NOL9: variants seen among roughly 807,000 people sequenced by gnomAD.
The protein encoded by NOL9 is nucleolar protein 9.
Under a neutral mutation model 67.9 loss-of-function variants are expected in NOL9, and 28 were observed. The ratio of observed to expected loss-of-function variants is 0.41; its 90% CI spans 0.31 to 0.57. NOL9 has a LOEUF of 0.57. NOL9 is among the 20% of genes least tolerant of loss of function. The probability of loss-of-function intolerance (pLI) is 0.25; values close to 1 mark genes in which losing one functional copy is unlikely to be tolerated. For missense variants in NOL9, 777 were observed against 897.0 expected, an observed-to-expected ratio of 0.87 and a Z score of 1.71; for synonymous variants, 356 against 352.2, an observed-to-expected ratio of 1.01 and a Z score of -0.12.
At chr1:6,531,847 G>C (rs1639034905) in intron 9 of NOL9, 121 bp downstream of exon 9, 1 of 754,800 alleles carries the variant, frequency 1.3e-6, no homozygotes, top group Non-Finnish European at 2.3e-6. Flanking sequence ...TGTGTCACTG[G>C]GATGTTCTGA....
chr1:6,526,185 G>A (rs985309654), intron 11 of NOL9, among the ~76,000 whole-genome samples, 182 bp from the exon 12 acceptor site: 1 of 152,086 alleles, frequency 6.6e-6, no homozygotes, highest in African/African-American at 2.4e-5. Flanking sequence ...GGTAACAAAC[G>A]TGCCAAGGCC....
rs947444958 is a variant in NOL9 at position 6,525,460 on chromosome 1, T to C, written c.*394A>G. On this transcript the variant is annotated 3_prime_UTR_variant, in exon 12 of 12. Transcript: ENST00000377705. The stretch of plus-strand genomic sequence containing the variant: ...CCGTGGCGAGCCCTTGTATCCATTA[T>C]GCTTGAGATCCTGCAGGTCGGCCTT... The C allele has an allele frequency of 9.1e-6, 2 of 219,774 alleles. No homozygotes were observed. Among genetic ancestry groups the C allele is most frequent in the Non-Finnish European group, 1.8e-5 (2 of 110,060 alleles). The allele number at this position is 219,774 out of a possible 1,614,324, so 13.6% of individuals were successfully genotyped here.
intron 6 of NOL9, among the ~76,000 whole-genome samples, chr1:6,534,608 G>A (rs982260957): frequency 3.9e-5 from 6 of 152,256 alleles, no homozygotes; most frequent in African/African-American, 1.4e-4. Context: ...CAGAGGGAGT[G>A]GCCTGTATAG....
chr1:6,554,476 CT>C lies in NOL9; in HGVS notation c.26del (p.Lys9SerfsTer134). 1 of 1,545,974 alleles carries C rather than the reference CT, an allele frequency of 6.5e-7. No individual in the cohort carries two copies. The highest frequency in any genetic ancestry group is 1.9e-5 in the Admixed American group (1 of 52,184). On this transcript the variant is annotated frameshift_variant, in exon 1 of 12. Coordinates refer to ENST00000377705, the MANE Select transcript of NOL9 (RefSeq NM_024654.5). LOFTEE classifies it high-confidence loss of function. Reference protein sequence around the residue: MADSGLLLKRGSCRSTWLR... With the variant: MADSGLLLXRGSCRSTWLR... ...GCCAAGTGGAACGGCAGGAACCCCGCTTTAGCAGCAGTCCCGAGTCCGCCAT... is the reference window on the plus strand; with the variant it reads ...GCCAAGTGGAACGGCAGGAACCCCGCTTAGCAGCAGTCCCGAGTCCGCCAT...
chr1:6,547,271 ACT>A (rs2148660952), intron 3 of NOL9, among the ~76,000 whole-genome samples: 1 of 152,190 alleles, frequency 6.6e-6, no homozygotes, highest in South Asian at 2.1e-4. Flanking sequence ...TCAACTGCCC[ACT>A]TGACATGTCC....
chr1:6,546,758 T>C (rs1332400451), intron 3 of NOL9, among the ~76,000 whole-genome samples: 2 of 152,122 alleles, frequency 1.3e-5, no homozygotes, highest in Non-Finnish European at 2.9e-5. Flanking sequence ...GTTTTTTTCA[T>C]CCATCTTAAC....
Position 6,526,023 on chromosome 1 carries a change from AATGC to A in NOL9, c.1960-24_1960-21del, listed in dbSNP as rs1251520668. The A allele has an allele frequency of 6.2e-7, 1 of 1,610,820 alleles. No homozygotes were observed. The highest frequency in any genetic ancestry group is 1.3e-5 in the African/African-American group (1 of 74,832). ...CCCACGCTGAAACGGAAACACAGAG[AATGC>A]ATGGAAACACTCCAGGTCCAGCCCA... On this transcript the variant is annotated intron_variant, in intron 11 of 11. Coordinates refer to ENST00000377705, the MANE Select transcript of NOL9 (RefSeq NM_024654.5).
chr1:6,542,257 T>A lies in NOL9; in HGVS notation c.978-330A>T, dbSNP rs529076839. Among the ~76,000 whole-genome samples, 556 of 150,858 alleles carry A rather than the reference T, an allele frequency of 3.7e-3. 3 individuals carry two copies. Among genetic ancestry groups the A allele is most frequent in the Admixed American group, 0.012 (181 of 15,036 alleles). On this transcript the variant is annotated intron_variant, in intron 5 of 11. Coordinates refer to ENST00000377705, the MANE Select transcript of NOL9 (RefSeq NM_024654.5). Reference sequence around the variant, plus strand: ...CTCACTGCAAGCTCCACCTCCTGGGTTCATGCCATTCTCCTGCCTCAGCCT... The same window carrying A: ...CTCACTGCAAGCTCCACCTCCTGGGATCATGCCATTCTCCTGCCTCAGCCT...
chr1:6,539,173 G>C lies in NOL9; in HGVS notation c.1075+2657C>G, dbSNP rs548772202. On this transcript the variant is annotated intron_variant, in intron 6 of 11. Transcript: ENST00000377705. ...TCAAAATAAGCATTGGTGAGGATAC[G>C]GAGAAATCAGAACTCTTGTGCATTG... 1.2e-3 allele frequency among the ~76,000 whole-genome samples: 184 copies of C among 152,276 alleles called. 1 individual carries two copies. The highest frequency in any genetic ancestry group is 4.4e-3 in the African/African-American group (183 of 41,548).
chr1:6,549,873 A>G (rs1639504447), intron 2 of NOL9, among the ~76,000 whole-genome samples, 175 bp from the exon 3 acceptor site: 1 of 152,178 alleles, frequency 6.6e-6, no homozygotes, highest in Non-Finnish European at 1.5e-5. Context: ...AGGAGAAGTC[A>G]ATCGAGGTTT....
At position 6,525,872 on chromosome 1, in the gene NOL9, G is replaced by C. The variant is rs370150354; in HGVS notation, c.2091C>G (p.Phe697Leu). The change falls in exon 12 of 12, where the codon TTC (phenylalanine) becomes TTG (leucine). Residue 697 changes from phenylalanine (F) to leucine (L), a missense_variant. Transcript: ENST00000377705. ...HKEKPYRRPK[F>L]CRKMK Reference sequence around the variant, plus strand: ...GCGAGCATCACTTCATTTTTCGACAGAACTTAGGTCTTCGGTATGGTTTCT... The same window carrying C: ...GCGAGCATCACTTCATTTTTCGACACAACTTAGGTCTTCGGTATGGTTTCT... The C allele has an allele frequency of 5.6e-6, 9 of 1,614,156 alleles. No homozygotes were observed. In the African/African-American group the frequency reaches 8.0e-5, roughly 14 times the overall value.
At chr1:6,526,515 A>G (rs1418138256) in intron 11 of NOL9, among the ~76,000 whole-genome samples, 181 bp downstream of exon 11, 1 of 152,198 alleles carries the variant, frequency 6.6e-6, no homozygotes, top group African/African-American at 2.4e-5. Context: ...CACGAGGGAC[A>G]GTGATTCATA....
chr1:6,551,754 G>A (rs1351771814), intron 1 of NOL9, among the ~76,000 whole-genome samples: 7 of 151,992 alleles, frequency 4.6e-5, no homozygotes, highest in Admixed American at 1.3e-4. Flanking sequence ...AATATCGGCC[G>A]GGTGTGGTGG....
At position 6,549,596 on chromosome 1, in the gene NOL9, C is replaced by T. The variant is rs1437044843; in HGVS notation, c.719G>A (p.Gly240Asp). 1.9e-6 allele frequency: 3 copies of T among 1,613,930 alleles called. No individual in the cohort carries two copies. The highest frequency in any genetic ancestry group is 1.6e-4 in the Middle Eastern group (1 of 6,084). Residue 240 changes from glycine to aspartate, a missense_variant, in exon 3 of 12, where the codon GGT (glycine) becomes GAT (aspartate). Physicochemically the swap from Gly to Asp is moderately conservative, Grantham distance 94 (BLOSUM62 -1). Transcript: ENST00000377705. The stretch of plus-strand genomic sequence containing the variant: ...CTCTTGCACAAAAATGTAGGATGAA[C>T]CCGGATAGCTGGTTATGAAGTTTAC... ...ATVNFITSYP[G>D]SSYIFVQESP...
At chr1:6,541,009 GCGTTTT>G (rs78580883) in intron 6 of NOL9, 2 of 31,168 alleles carry the variant, frequency 6.4e-5, no homozygotes, top group Non-Finnish European at 8.7e-5. Flanking sequence ...CTGGTTAACA[GCGTTTT>G]TTTTTTTTTT....
intron 3 of NOL9, chr1:6,548,560 CGAG>C (rs1263651062): frequency 1.4e-5 from 5 of 358,342 alleles, no homozygotes; most frequent in East Asian, 7.2e-5. Flanking sequence ...CTTTCCTTCT[CGAG>C]GAGGAGAACA....
chr1:6,529,764 A>G (rs1018592413), intron 9 of NOL9, among the ~76,000 whole-genome samples: 1 of 151,860 alleles, frequency 6.6e-6, no homozygotes, highest in African/African-American at 2.4e-5. Flanking sequence ...TGTCTCTACT[A>G]AAAATACAAA....
At chr1:6,546,112 A>T (rs2148660535) in intron 3 of NOL9, among the ~76,000 whole-genome samples, 1 of 152,248 alleles carries the variant, frequency 6.6e-6, no homozygotes, top group African/African-American at 2.4e-5. Flanking sequence ...AAATTAGATA[A>T]TCAAGTTTAC....
At position 6,526,715 on chromosome 1, in the gene NOL9, T is replaced by C; in HGVS notation, c.1940A>G (p.His647Arg). 2 of 1,613,444 alleles carry C rather than the reference T, an allele frequency of 1.2e-6. No individual in the cohort carries two copies. Among genetic ancestry groups the C allele is most frequent in the East Asian group, 2.2e-5 (1 of 44,864 alleles). The change falls in exon 11 of 12, where the codon CAT becomes CGT. Residue 647 changes from histidine to arginine, a missense_variant. By Grantham distance (29) the His-to-Arg change is conservative (BLOSUM62 0). Transcript: ENST00000377705. ...GCTCACCTGGCACTTAAGGACACAATGTGGAATGGCAATAGCTCCAACGAG... is the reference window on the plus strand; with the variant it reads ...GCTCACCTGGCACTTAAGGACACAACGTGGAATGGCAATAGCTCCAACGAG... Reference protein sequence around the residue: ...CLLVGAIAIPHCVLKCQRGIE... With the variant: ...CLLVGAIAIPRCVLKCQRGIE...
Sources: allele counts gnomAD v4.1 joint callset (sites outside exome capture counted in the v4.1 genomes callset), GRCh38; gene constraint gnomAD v4.1.1; transcripts MANE v1.5; gene names NCBI Gene and HGNC (gene_info 2026-07-23, HGNC 2026-07-21).